The following RXFP3 variants were observed in gnomAD, a reference collection of about 807,000 sequenced individuals.
RXFP3 encodes relaxin-3 receptor 1.
RXFP3 carries 31 observed loss-of-function variants against 27.3 expected under a neutral mutation model. The ratio of observed to expected loss-of-function variants is 1.13; its 90% CI spans 0.85 to 1.53. The LOEUF is 1.53. Ranked by LOEUF, RXFP3 falls within the 40% of genes most tolerant of loss-of-function variation. RXFP3 has a pLI of 0.00. For missense variants in RXFP3, 684 were observed against 642.1 expected, an observed-to-expected ratio of 1.07 and a Z score of -0.70; for synonymous variants, 351 against 293.6, an observed-to-expected ratio of 1.20 and a Z score of -2.00.
rs1287025473 is a variant in RXFP3 at position 33,937,252 on chromosome 5, T to G, written c.512T>G (p.Phe171Cys). Residue 171 changes from phenylalanine (F) to cysteine (C), a missense_variant, in exon 1 of 1, where the codon TTC becomes TGC. Transcript: ENST00000330120. ...VTSMNMYASVFFLTAMSVTRY... is the reference protein window; with the variant it reads ...VTSMNMYASVCFLTAMSVTRY... ...TCCATGAACATGTACGCCAGCGTGT[T>G]CTTCCTCACTGCCATGAGTGTGACG... 6.2e-7 allele frequency: 1 copy of G among 1,613,998 alleles called. No individual in the cohort carries two copies. The highest frequency in any genetic ancestry group is 8.5e-7 in the Non-Finnish European group (1 of 1,180,030).
At position 33,937,930 on chromosome 5, in the gene RXFP3, G is replaced by T. The variant is rs368870431; in HGVS notation, c.1190G>T (p.Arg397Leu). Residue 397 changes from arginine to leucine, a missense_variant, in exon 1 of 1, where the codon CGC (arginine) becomes CTC (leucine). Transcript: ENST00000330120. ...TACTGCCTCGTGCGCCGCGAGTTCC[G>T]CAAGGCGCTCAAGAGCCTGCTGTGG... The part of the protein sequence containing the change: ...VLYCLVRREF[R>L]KALKSLLWRI... The T allele has an allele frequency of 2.0e-5, 33 of 1,613,424 alleles. No individual in the cohort carries two copies. Among genetic ancestry groups the T allele is most frequent in the East Asian group, 2.2e-5 (1 of 44,876 alleles).
At position 33,938,909 on chromosome 5, in the gene RXFP3, C is replaced by T. The variant is rs1259292907; in HGVS notation, c.*759C>T. 1.3e-5 allele frequency among the ~76,000 whole-genome samples: 2 copies of T among 152,156 alleles called. No individual in the cohort carries two copies. Among genetic ancestry groups the T allele is most frequent in the Admixed American group, 6.5e-5 (1 of 15,278 alleles). On this transcript the variant is annotated 3_prime_UTR_variant, in exon 1 of 1. Coordinates refer to ENST00000330120, the MANE Select transcript of RXFP3 (RefSeq NM_016568.3). The stretch of plus-strand genomic sequence containing the variant: ...GGGAGAGCCATTCTCTGGGGAGTGT[C>T]GTCGCTGCGGGAGGGAGGAGACACA...
rs171631 is a variant in RXFP3 at position 33,938,870 on chromosome 5, C to T, written c.*720C>T. Among the ~76,000 whole-genome samples, 13 of 152,236 alleles carry T rather than the reference C, an allele frequency of 8.5e-5. No individual in the cohort carries two copies. The East Asian group carries it at 2.3e-3, about 27-fold the overall frequency. Reference sequence around the variant, plus strand: ...CTCAGACGTTAGCAGGGGGATAACACCTGTCACCAGCTTGGGAGAGCCATT... The same window carrying T: ...CTCAGACGTTAGCAGGGGGATAACATCTGTCACCAGCTTGGGAGAGCCATT... On this transcript the variant is annotated 3_prime_UTR_variant, in exon 1 of 1. Coordinates refer to ENST00000330120, the MANE Select transcript of RXFP3 (RefSeq NM_016568.3).
Position 33,937,038 on chromosome 5 carries a change from C to T in RXFP3, c.298C>T (p.Leu100=), listed in dbSNP as rs2111880931. The change falls in exon 1 of 1, where the codon CTG becomes TTG. Residue 100 remains leucine, a synonymous_variant. Transcript: ENST00000330120. The part of the protein sequence containing the change: ...VVCALGLAGN[L]LVLYLMKSMQ... Reference sequence around the variant, plus strand: ...GTGCGCCCTGGGGTTGGCGGGCAACCTGCTGGTTCTCTACCTGATGAAGAG... The same window carrying T: ...GTGCGCCCTGGGGTTGGCGGGCAACTTGCTGGTTCTCTACCTGATGAAGAG... The T allele has an allele frequency of 6.2e-7, 1 of 1,614,208 alleles. No homozygotes were observed.
rs199540993 is a variant in RXFP3 at position 33,937,461 on chromosome 5, G to T, written c.721G>T (p.Val241Leu). The change falls in exon 1 of 1, where the codon GTG becomes TTG. Residue 241 changes from valine to leucine, a missense_variant. By Grantham distance (32) the Val-to-Leu change is conservative (BLOSUM62 1). Transcript: ENST00000330120. ...TGCCATTTTCTCCACCACGGTCAAGGTGATGGGCGAGGAGCTGTGCCTGGT... is the reference window on the plus strand; with the variant it reads ...TGCCATTTTCTCCACCACGGTCAAGTTGATGGGCGAGGAGCTGTGCCTGGT... ...PSAIFSTTVK[V>L]MGEELCLVRF... 27 of 1,609,710 alleles carry T rather than the reference G, an allele frequency of 1.7e-5. No individual in the cohort carries two copies. The Admixed American group carries it at 2.0e-4, about 12-fold the overall frequency.
At position 33,937,648 on chromosome 5, in the gene RXFP3, A is replaced by G. The variant is rs149752849; in HGVS notation, c.908A>G (p.Lys303Arg). Residue 303 changes from lysine to arginine, a missense_variant, in exon 1 of 1, where the codon AAA becomes AGA. Transcript: ENST00000330120. ...GCCGACCGCCGCGCGGCGGGGACCA[A>G]AGGAGGGGCCGCGGTAGCCGGAGGA... ...FIADRRAAGT[K>R]GGAAVAGGRP... The G allele has an allele frequency of 6.2e-4, 997 of 1,603,396 alleles. 4 individuals carry two copies. The African/African-American group carries it at 0.011, about 18-fold the overall frequency.
rs139010204 is a variant in RXFP3, at chr5:33,937,041, C to T, written c.301C>T (p.Leu101=). The change falls in exon 1 of 1, where the codon CTG becomes TTG. Residue 101 remains leucine, a synonymous_variant. Coordinates refer to ENST00000330120, the MANE Select transcript of RXFP3 (RefSeq NM_016568.3). ...CGCCCTGGGGTTGGCGGGCAACCTG[C>T]TGGTTCTCTACCTGATGAAGAGCAT... is the stretch of plus-strand genomic sequence containing the variant. ...VCALGLAGNL[L]VLYLMKSMQG... The T allele has an allele frequency of 1.3e-4, 214 of 1,614,230 alleles. 1 individual carries two copies. The highest frequency in any genetic ancestry group is 1.7e-4 in the Non-Finnish European group (197 of 1,180,054).
chr5:33,937,856 T>A lies in RXFP3; in HGVS notation c.1116T>A (p.Pro372=). 1.2e-6 allele frequency: 2 copies of A among 1,614,176 alleles called. No individual in the cohort carries two copies. Among genetic ancestry groups the A allele is most frequent in the South Asian group, 1.1e-5 (1 of 91,088 alleles). ...TCCTGTGCCAGGTATACGCGTTCCC[T>A]GTGAGCGTGTGCCTAGCGCACTCCA... ...EYFLCQVYAF[P]VSVCLAHSNS... Residue 372 remains proline (P), a synonymous_variant, in exon 1 of 1, where the codon CCT becomes CCA. Coordinates refer to ENST00000330120, the MANE Select transcript of RXFP3 (RefSeq NM_016568.3).
rs1751694427 is a variant in RXFP3 at position 33,937,531 on chromosome 5, T to C, written c.791T>C (p.Leu264Pro). 1.3e-6 allele frequency: 2 copies of C among 1,579,722 alleles called. No homozygotes were observed. The highest frequency in any genetic ancestry group is 1.7e-6 in the Non-Finnish European group (2 of 1,163,094). Residue 264 changes from leucine (L) to proline (P), a missense_variant, in exon 1 of 1, where the codon CTG becomes CCG. By Grantham distance (98) the Leu-to-Pro change is moderately conservative (BLOSUM62 -3). Transcript: ENST00000330120. ...CTGGGCCGCGACAGGCAGTTCTGGC[T>C]GGGCCTCTACCACTCGCAGAAGGTG... ...KLLGRDRQFW[L>P]GLYHSQKVLL...
chr5:33,937,205 T>C lies in RXFP3; in HGVS notation c.465T>C (p.Cys155=), dbSNP rs768359366. The C allele has an allele frequency of 1.9e-6, 3 of 1,614,204 alleles. No individual in the cohort carries two copies. The Admixed American group carries it at 5.0e-5, about 27-fold the overall frequency. Reference sequence around the variant, plus strand: ...AATGGCCCTTCGGCAAGGCCATGTGTAAGATCGTGTCCATGGTGACGTCCA... The same window carrying C: ...AATGGCCCTTCGGCAAGGCCATGTGCAAGATCGTGTCCATGGTGACGTCCA... ...DFKWPFGKAM[C]KIVSMVTSMN... The change falls in exon 1 of 1, where the codon TGT becomes TGC. Residue 155 remains cysteine (C), a synonymous_variant. Coordinates refer to ENST00000330120, the MANE Select transcript of RXFP3 (RefSeq NM_016568.3).
chr5:33,937,072 G>T lies in RXFP3; in HGVS notation c.332G>T (p.Gly111Val), dbSNP rs755226440. 9.9e-6 allele frequency: 16 copies of T among 1,614,124 alleles called. 1 individual carries two copies. Among genetic ancestry groups the T allele is most frequent in the Admixed American group, 3.3e-5 (2 of 60,016 alleles). Residue 111 changes from glycine to valine, a missense_variant, in exon 1 of 1, where the codon GGC becomes GTC. Coordinates refer to ENST00000330120, the MANE Select transcript of RXFP3 (RefSeq NM_016568.3). ...CTCTACCTGATGAAGAGCATGCAGG[G>T]CTGGCGCAAGTCCTCTATCAACCTC... is the stretch of plus-strand genomic sequence containing the variant. ...LVLYLMKSMQ[G>V]WRKSSINLFV...
rs1751690971 is a variant in RXFP3, at chr5:33,937,410, TTGGCCGCGC to T, written c.676_684del (p.Ala226_Ala228del). 6.2e-7 allele frequency: 1 copy of T among 1,611,298 alleles called. No individual in the cohort carries two copies. Among genetic ancestry groups the T allele is most frequent in the African/African-American group, 1.3e-5 (1 of 74,330 alleles). On this transcript the variant is annotated inframe_deletion, in exon 1 of 1. Transcript: ENST00000330120. ...GGCGCTGTGTGTGTGGATCTGGGCT[TTGGCCGCGC>T]TGGCCTCGCTGCCCAGTGCCATTTT... is the stretch of plus-strand genomic sequence containing the variant.
chr5:33,938,094 G>A lies in RXFP3; in HGVS notation c.1354G>A (p.Val452Ile). 6.2e-7 allele frequency: 1 copy of A among 1,610,406 alleles called. No individual in the cohort carries two copies. Among genetic ancestry groups the A allele is most frequent in the East Asian group, 2.2e-5 (1 of 44,808 alleles). ...EPDLLYYPPG[V>I]VVYSGGRYDL... ...GGACCTGCTCTACTACCCACCTGGCGTCGTGGTCTACAGCGGGGGGCGCTA... is the reference window on the plus strand; with the variant it reads ...GGACCTGCTCTACTACCCACCTGGCATCGTGGTCTACAGCGGGGGGCGCTA... The change falls in exon 1 of 1, where the codon GTC (valine) becomes ATC (isoleucine). Residue 452 changes from valine (V) to isoleucine (I), a missense_variant. Transcript: ENST00000330120.
chr5:33,937,640 G>A lies in RXFP3; in HGVS notation c.900G>A (p.Ala300=), dbSNP rs1285485331. Residue 300 remains alanine (A), a synonymous_variant, in exon 1 of 1, where the codon GCG becomes GCA. Transcript: ENST00000330120. The stretch of plus-strand genomic sequence containing the variant: ...GCTTCATCGCCGACCGCCGCGCGGC[G>A]GGGACCAAAGGAGGGGCCGCGGTAG... ...LVRFIADRRA[A]GTKGGAAVAG... The A allele has an allele frequency of 1.3e-6, 2 of 1,598,954 alleles. No homozygotes were observed. Among genetic ancestry groups the A allele is most frequent in the South Asian group, 1.1e-5 (1 of 89,502 alleles).
rs1286142601 is a variant in RXFP3 at position 33,936,875 on chromosome 5, TC to T, written c.137del (p.Pro46ArgfsTer60). 18 of 1,600,714 alleles carry T rather than the reference TC, an allele frequency of 1.1e-5. No homozygotes were observed. Among genetic ancestry groups the T allele is most frequent in the Admixed American group, 1.7e-5 (1 of 59,578 alleles). On this transcript the variant is annotated frameshift_variant, in exon 1 of 1. Transcript: ENST00000330120. LOFTEE classifies it high-confidence loss of function. ...NTSGNASLQL[P>X]DLWWELGLEL... ...CGAGTGGTAACGCGTCGCTGCAGCT[TC>T]CGGACTTGTGGTGGGAGCTGGGGCT...
chr5:33,938,110 G>C lies in RXFP3; in HGVS notation c.1370G>C (p.Gly457Ala). The C allele has an allele frequency of 6.2e-7, 1 of 1,608,210 alleles. No individual in the cohort carries two copies. Among genetic ancestry groups the C allele is most frequent in the South Asian group, 1.1e-5 (1 of 90,858 alleles). Residue 457 changes from glycine (G) to alanine (A), a missense_variant, in exon 1 of 1, where the codon GGG becomes GCG. Transcript: ENST00000330120. ...YYPPGVVVYS[G>A]GRYDLLPSSS... ...CCACCTGGCGTCGTGGTCTACAGCG[G>C]GGGGCGCTACGACCTGCTGCCCAGC...
Position 33,938,025 on chromosome 5 carries a change from CA to C in RXFP3, c.1286del (p.Gln429ArgfsTer61). On this transcript the variant is annotated frameshift_variant, in exon 1 of 1. Transcript: ENST00000330120. LOFTEE classifies it high-confidence loss of function. ...TATTKPEHED[Q>X]GLQAPAPPHA... ...CACTACCAAGCCGGAGCACGAGGAT[CA>C]GGGGCTGCAGGCCCCGGCGCCGCCC... 1 of 1,612,622 alleles carries C rather than the reference CA, an allele frequency of 6.2e-7. No individual in the cohort carries two copies. Among genetic ancestry groups the C allele is most frequent in the Non-Finnish European group, 8.5e-7 (1 of 1,179,880 alleles).
rs553382797 is a variant in RXFP3 at position 33,938,758 on chromosome 5, C to T, written c.*608C>T. ...CAGGAGAAACGGCAAAGGAAAGCCA[C>T]CTCCAATGGAGTCATTATGACAATT... On this transcript the variant is annotated 3_prime_UTR_variant, in exon 1 of 1. Coordinates refer to ENST00000330120, the MANE Select transcript of RXFP3 (RefSeq NM_016568.3). 6.6e-6 allele frequency among the ~76,000 whole-genome samples: 1 copy of T among 152,334 alleles called. No homozygotes were observed. Among genetic ancestry groups the T allele is most frequent in the African/African-American group, 2.4e-5 (1 of 41,584 alleles).
Position 33,936,691 on chromosome 5 carries a change from G to T in RXFP3, c.-50G>T, listed in dbSNP as rs1412705371. 6 of 1,474,172 alleles carry T rather than the reference G, an allele frequency of 4.1e-6. No homozygotes were observed. The highest frequency in any genetic ancestry group is 2.8e-5 in the African/African-American group (2 of 71,022). 91.3% of individuals were successfully genotyped at this position (1,474,172 alleles called of 1,614,324 possible). A position where few individuals can be genotyped will look rare whatever the true frequency, so the allele number is the denominator to read the frequency against. ...CCTGGCAACAAAACTGGGGTAAACC[G>T]TGTTATCTTAGGTCTTGTCCCCCAG... On this transcript the variant is annotated 5_prime_UTR_variant, in exon 1 of 1. Coordinates refer to ENST00000330120, the MANE Select transcript of RXFP3 (RefSeq NM_016568.3).
Sources: allele counts gnomAD v4.1 joint callset (sites outside exome capture counted in the v4.1 genomes callset), GRCh38; gene constraint gnomAD v4.1.1; transcripts MANE v1.5; gene names NCBI Gene and HGNC (gene_info 2026-07-23, HGNC 2026-07-21).